The following SLC25A24 variants were observed in gnomAD, a reference collection of about 807,000 sequenced individuals.
SLC25A24 encodes solute carrier family 25 member 24.
Under a neutral mutation model 60.7 loss-of-function variants are expected in SLC25A24, and 49 were observed. The observed-to-expected ratio is 0.81, with a 90% CI of 0.64 to 1.02. The LOEUF (loss-of-function observed/expected upper bound fraction) is 1.02. Ranked by LOEUF, SLC25A24 falls within the 50% of genes least tolerant of loss-of-function variation. The probability of loss-of-function intolerance (pLI) is 0.00; values close to 1 mark genes in which losing one functional copy is unlikely to be tolerated. For synonymous variants in SLC25A24, 202 were observed against 200.6 expected (o/e 1.01, Z -0.06); for missense variants, 564 against 586.3 (o/e 0.96, Z 0.39).
At chr1:108,182,276 A>G (rs1647957819) in intron 2 of SLC25A24, among the ~76,000 whole-genome samples, 1 of 152,260 alleles carries the variant, frequency 6.6e-6, no homozygotes, top group African/African-American at 2.4e-5. Flanking sequence ...TAGATAAATA[A>G]TATTCCTCCA....
At chr1:108,190,373 T>G (rs1483576383) in intron 1 of SLC25A24, among the ~76,000 whole-genome samples, 1 of 152,114 alleles carries the variant, frequency 6.6e-6, no homozygotes, top group Admixed American at 6.5e-5. Context: ...ATTCTGACCA[T>G]TTGGGGCTGT....
intron 3 of SLC25A24, among the ~76,000 whole-genome samples, chr1:108,166,466 C>T (rs1436967824): frequency 2.0e-5 from 3 of 152,144 alleles, no homozygotes; most frequent in African/African-American, 7.2e-5. Context: ...CACATAGTCC[C>T]ATATTTCTTG....
At chr1:108,160,313 T>C (rs1381182385) in intron 4 of SLC25A24, among the ~76,000 whole-genome samples, 8 of 129,924 alleles carry the variant, frequency 6.2e-5, no homozygotes, top group South Asian at 2.6e-4. Context: ...ACTTCCTAGA[T>C]GGGATGGCGG....
At chr1:108,194,887 C>T (rs975076024) in intron 1 of SLC25A24, among the ~76,000 whole-genome samples, 3 of 152,184 alleles carry the variant, frequency 2.0e-5, no homozygotes, top group Admixed American at 6.5e-5. Context: ...AAATAACATG[C>T]CCAAGGCCAC....
chr1:108,137,209 A>G (rs111257423), intron 9 of SLC25A24, among the ~76,000 whole-genome samples: 13 of 152,328 alleles, frequency 8.5e-5, no homozygotes, highest in African/African-American at 3.1e-4. Flanking sequence ...GCTGAGATCC[A>G]ATGGTCTGAC....
At chr1:108,168,639 C>T (rs1647320090) in intron 3 of SLC25A24, among the ~76,000 whole-genome samples, 1 of 152,198 alleles carries the variant, frequency 6.6e-6, no homozygotes, top group Non-Finnish European at 1.5e-5. Flanking sequence ...TTTGCTACTG[C>T]TGTTTCTTTC....
intron 3 of SLC25A24, among the ~76,000 whole-genome samples, chr1:108,177,796 T>A (rs1172169539): frequency 6.6e-6 from 1 of 152,228 alleles, no homozygotes; most frequent in African/African-American, 2.4e-5. Context: ...TTATATTGCA[T>A]ATCCCTTAAT....
rs985074381 is a variant in SLC25A24, at chr1:108,193,005, A to G, written c.183+6951T>C. Among the ~76,000 whole-genome samples the G allele has an allele frequency of 9.3e-5, 13 of 139,458 alleles. 1 individual carries two copies. The highest frequency in any genetic ancestry group is 3.2e-4 in the African/African-American group (13 of 40,182). The allele number at this position is 139,458 out of a possible 152,430, so 91.5% of individuals were successfully genotyped here. On this transcript the variant is annotated intron_variant, in intron 1 of 9. Coordinates refer to ENST00000565488, the MANE Select transcript of SLC25A24 (RefSeq NM_013386.5). ...GAAACTTCCAGGGAGAACCCAGCAC[A>G]GGGCCATCTGAAAGTATAGCTTCTC...
At chr1:108,197,671 T>A (rs898911001) in intron 1 of SLC25A24, among the ~76,000 whole-genome samples, 1 of 152,232 alleles carries the variant, frequency 6.6e-6, no homozygotes, top group African/African-American at 2.4e-5. Context: ...TCTGTGAGGA[T>A]GTCTCTGGAG....
intron 2 of SLC25A24, among the ~76,000 whole-genome samples, chr1:108,183,094 AAAGT>A (rs1054331063): frequency 6.6e-6 from 1 of 152,186 alleles, no homozygotes; most frequent in Admixed American, 6.5e-5. Context: ...GAAACAAAAC[AAAGT>A]AAGAGAGGGT....
intron 3 of SLC25A24, among the ~76,000 whole-genome samples, chr1:108,169,554 G>A (rs1403435250): frequency 6.6e-6 from 1 of 152,018 alleles, no homozygotes; most frequent in Non-Finnish European, 1.5e-5. Flanking sequence ...TAGGTATCTT[G>A]GCCTCTAATT....
rs1195664389 is a variant in SLC25A24 at position 108,163,240 on chromosome 1, C to T, written c.399-1947G>A. Among the ~76,000 whole-genome samples, 26 of 106,150 alleles carry T rather than the reference C, an allele frequency of 2.4e-4. 9 individuals carry two copies. The highest frequency in any genetic ancestry group is 1.1e-3 in the African/African-American group (24 of 22,772). 69.6% of individuals were successfully genotyped at this position (106,150 alleles called of 152,430 possible). A position where few individuals can be genotyped will look rare whatever the true frequency, so the allele number is the denominator to read the frequency against. On this transcript the variant is annotated intron_variant, in intron 3 of 9. Coordinates refer to ENST00000565488, the MANE Select transcript of SLC25A24 (RefSeq NM_013386.5). ...AAGTCAGGTAGCATGATGCCTCCAG[C>T]TTTGTTCTTTTGGCTTAGGATTGAC...
chr1:108,155,216 C>A, intron 5 of SLC25A24, 81 bp from the exon 6 acceptor site: 1 of 1,249,788 alleles, frequency 8.0e-7, no homozygotes, highest in East Asian at 2.5e-5. Context: ...CAATCTTTTT[C>A]AATACCCTTT....
At position 108,136,099 on chromosome 1, in the gene SLC25A24, C is replaced by T. The variant is rs1002404354; in HGVS notation, c.*554G>A. On this transcript the variant is annotated 3_prime_UTR_variant, in exon 10 of 10. Transcript: ENST00000565488. The stretch of plus-strand genomic sequence containing the variant: ...ATTTCATCACTTCCCTTCAGAAATT[C>T]CACCACTGTGTTCATTCGTATTCAG... 2.6e-5 allele frequency: 4 copies of T among 152,120 alleles called. No homozygotes were observed. The highest frequency in any genetic ancestry group is 9.7e-5 in the African/African-American group (4 of 41,424). 9.4% of individuals were successfully genotyped at this position (152,120 alleles called of 1,614,324 possible).
intron 6 of SLC25A24, among the ~76,000 whole-genome samples, chr1:108,153,488 C>A (rs572171335): frequency 8.5e-5 from 13 of 152,268 alleles, no homozygotes; most frequent in African/African-American, 3.1e-4. Context: ...CAATTCAGCA[C>A]TCGAGGGAGG....
chr1:108,166,796 G>A (rs907774950), intron 3 of SLC25A24, among the ~76,000 whole-genome samples: 1 of 152,320 alleles, frequency 6.6e-6, no homozygotes, highest in East Asian at 1.9e-4. Flanking sequence ...CAGCTCGTCA[G>A]AGTCATTCTC....
chr1:108,181,704 C>A lies in SLC25A24; in HGVS notation c.398+237G>T, dbSNP rs372800423. Among the ~76,000 whole-genome samples, 172 of 152,304 alleles carry A rather than the reference C, an allele frequency of 1.1e-3. 1 individual carries two copies. The highest frequency in any genetic ancestry group is 0.011 in the South Asian group (54 of 4,826). ...ATGGAGTTAAAACCTTACTTCCTGC[C>A]ATTCCACTATCCTTTGAGGCCTTGA... is the stretch of plus-strand genomic sequence containing the variant. On this transcript the variant is annotated intron_variant, in intron 3 of 9. Transcript: ENST00000565488.
intron 1 of SLC25A24, among the ~76,000 whole-genome samples, chr1:108,195,183 T>TCC (rs1648458234): frequency 1.5e-5 from 2 of 134,034 alleles, no homozygotes; most frequent in African/African-American, 5.9e-5. Flanking sequence ...GGAAGCTTCT[T>TCC]TTGTTTTTTC....
At position 108,178,163 on chromosome 1, in the gene SLC25A24, A is replaced by AACAACAAC. The variant is rs149553000; in HGVS notation, c.398+3777_398+3778insGTTGTTGT. On this transcript the variant is annotated intron_variant, in intron 3 of 9. Transcript: ENST00000565488. ...GTGACAGAGTGAGACTCCGTCTCAA[A>AACAACAAC]AACAACAACAACAACAACAACAACA... Among the ~76,000 whole-genome samples, 15 of 150,144 alleles carry AACAACAAC rather than the reference A, an allele frequency of 1.0e-4. 1 individual carries two copies. In the East Asian group the frequency reaches 2.4e-3, roughly 24 times the overall value.
Sources: allele counts gnomAD v4.1 joint callset (sites outside exome capture counted in the v4.1 genomes callset), GRCh38; gene constraint gnomAD v4.1.1; transcripts MANE v1.5; gene names NCBI Gene and HGNC (gene_info 2026-07-23, HGNC 2026-07-21).